Variants in FANCA observed in about 807,000 individuals in gnomAD.
The protein encoded by FANCA is Fanconi anemia group A protein.
FANCA carries 236 observed loss-of-function variants against 194.3 expected under a neutral mutation model. The observed-to-expected ratio is 1.21, with a 90% confidence interval of 1.09 to 1.35. FANCA has a LOEUF of 1.35. Ranked by LOEUF, FANCA falls within the 40% of genes most tolerant of loss-of-function variation. The pLI, the probability that FANCA is intolerant of heterozygous loss-of-function variation, is 0.00. For synonymous variants in FANCA, 1,014 were observed against 715.8 expected, an observed-to-expected ratio of 1.42 and a Z score of -6.65; for missense variants, 2,628 against 1,813.9, an observed-to-expected ratio of 1.45 and a Z score of -8.15.
intron 15 of FANCA, among the ~76,000 whole-genome samples, chr16:89,784,368 CAAA>C (rs58907559): frequency 1.3e-3 from 136 of 104,096 alleles, no homozygotes; most frequent in Middle Eastern, 0.013. Context: ...GAGACTGTCT[CAAA>C]AAAAAAAACC....
At chr16:89,774,665 G>T (rs1017588022) in intron 21 of FANCA, among the ~76,000 whole-genome samples, 1 of 140,860 alleles carries the variant, frequency 7.1e-6, no homozygotes, top group Non-Finnish European at 1.5e-5. Context: ...GGGAGGCGGA[G>T]CTTACAGCGA....
chr16:89,759,515 C>A (rs1376614795), intron 29 of FANCA, among the ~76,000 whole-genome samples: 2 of 151,872 alleles, frequency 1.3e-5, no homozygotes, highest in Non-Finnish European at 2.9e-5. Flanking sequence ...AATCCCAGCA[C>A]TGTGGGAGGC....
At chr16:89,770,937 C>G (rs2039302747) in intron 23 of FANCA, among the ~76,000 whole-genome samples, 1 of 152,114 alleles carries the variant, frequency 6.6e-6, no homozygotes, top group African/African-American at 2.4e-5. Context: ...GAAACAGCCT[C>G]TGTCGCATAT....
Position 89,778,829 on chromosome 16 carries a change from G to T in FANCA, c.1798C>A (p.Arg600Ser). ...PRVLPKVPDS[R>S]VAFIESLKRA... ...TTCAGAGACTCTATAAACGCCACAC[G>T]GGAGTCAGGGACTTTGGGGAGCTGT... The change falls in exon 20 of 43, where the codon CGT (arginine) becomes AGT (serine). Residue 600 changes from arginine (R) to serine (S), a missense_variant. Transcript: ENST00000389301. 1.2e-6 allele frequency: 2 copies of T among 1,614,042 alleles called. No individual in the cohort carries two copies. The highest frequency in any genetic ancestry group is 1.7e-6 in the Non-Finnish European group (2 of 1,180,004).
chr16:89,810,826 T>A (rs777317903), intron 4 of FANCA, 24 bp from the exon 5 acceptor site: 4 of 1,612,996 alleles, frequency 2.5e-6, no homozygotes, highest in Non-Finnish European at 3.4e-6. Flanking sequence ...TTACATTTTT[T>A]AAAAAACAAA....
chr16:89,754,594 C>T (rs947925826), intron 30 of FANCA, among the ~76,000 whole-genome samples: 2 of 152,114 alleles, frequency 1.3e-5, no homozygotes, highest in African/African-American at 2.4e-5. Flanking sequence ...TGGTCTCCAA[C>T]TCCTGACCTC....
chr16:89,807,192 T>C (rs1440915041), intron 6 of FANCA, among the ~76,000 whole-genome samples: 1 of 151,456 alleles, frequency 6.6e-6, no homozygotes, highest in African/African-American at 2.4e-5. Context: ...TTCTTTTTTT[T>C]TTTTTTTTTG....
At chr16:89,801,951 G>A (rs748468836) in intron 8 of FANCA, among the ~76,000 whole-genome samples, 4 of 151,886 alleles carry the variant, frequency 2.6e-5, no homozygotes, top group African/African-American at 4.8e-5. Flanking sequence ...TCCCATTACT[G>A]GGCTTACAGC....
chr16:89,766,086 T>C (rs2039118393), intron 27 of FANCA, among the ~76,000 whole-genome samples: 1 of 151,706 alleles, frequency 6.6e-6, no homozygotes, highest in Non-Finnish European at 1.5e-5. Context: ...AACCTTTGCC[T>C]CCCTGGTTCA....
At chr16:89,799,884 C>T (rs560942677) in intron 8 of FANCA, among the ~76,000 whole-genome samples, 31 of 152,314 alleles carry the variant, frequency 2.0e-4, no homozygotes, top group South Asian at 1.9e-3. Context: ...GTCTCAGCTA[C>T]TCGGGAGGCT....
chr16:89,776,836 ATAAAT>A (rs889706014), intron 20 of FANCA, among the ~76,000 whole-genome samples: 9 of 152,136 alleles, frequency 5.9e-5, no homozygotes, highest in African/African-American at 1.9e-4. Flanking sequence ...GACTCAAAAA[ATAAAT>A]TAAAGAAAAA....
chr16:89,774,304 C>A (rs564207197), intron 21 of FANCA, among the ~76,000 whole-genome samples: 1 of 152,080 alleles, frequency 6.6e-6, no homozygotes, highest in South Asian at 2.1e-4. Context: ...AAGCTACGAA[C>A]AAGTGGACCC....
intron 20 of FANCA, among the ~76,000 whole-genome samples, chr16:89,776,944 G>A (rs995610191): frequency 1.3e-5 from 2 of 152,176 alleles, no homozygotes. Flanking sequence ...AGGTACAGTG[G>A]CTCATATTTG....
rs1231839427 is a variant in FANCA, at chr16:89,796,086, C to A, written c.894-68G>T. 3 of 1,223,096 alleles carry A rather than the reference C, an allele frequency of 2.5e-6. No individual in the cohort carries two copies. In the African/African-American group the frequency reaches 4.5e-5, roughly 18 times the overall value. The allele number at this position is 1,223,096 out of a possible 1,614,324, so 75.8% of individuals were successfully genotyped here. Reference sequence around the variant, plus strand: ...CTTGCACGCCACCCACCAATCCCAGCACAAACTGTGGCTCAGGCTCATCCC... The same window carrying A: ...CTTGCACGCCACCCACCAATCCCAGAACAAACTGTGGCTCAGGCTCATCCC... On this transcript the variant is annotated intron_variant, in intron 10 of 42. Coordinates refer to ENST00000389301, the MANE Select transcript of FANCA (RefSeq NM_000135.4).
intron 28 of FANCA, among the ~76,000 whole-genome samples, chr16:89,764,638 C>T (rs2039062917): frequency 6.6e-6 from 1 of 152,136 alleles, no homozygotes; most frequent in Non-Finnish European, 1.5e-5. Context: ...CACATGAGGC[C>T]ACAACGATTT....
In FANCA at chr16:89,773,300, G is replaced by A. The variant is rs2039387745; in HGVS notation, c.1985C>T (p.Ala662Val). 3 of 1,551,262 alleles carry A rather than the reference G, an allele frequency of 1.9e-6. No homozygotes were observed. Among genetic ancestry groups the A allele is most frequent in the Non-Finnish European group, 2.6e-6 (3 of 1,146,858 alleles). The change falls in exon 22 of 43, where the codon GCC becomes GTC. Residue 662 changes from alanine (A) to valine (V), a missense_variant. By Grantham distance (64) the Ala-to-Val change is moderately conservative. Transcript: ENST00000389301. ...QLTAALGELR[A>V]SMTDPSQRDV... ...ACGCTGGCTGGGGTCTGTCATGGAGGCTCTCAGCTCTCCCAGTGCAGCTGT... is the reference window on the plus strand; with the variant it reads ...ACGCTGGCTGGGGTCTGTCATGGAGACTCTCAGCTCTCCCAGTGCAGCTGT...
At position 89,792,076 on chromosome 16, in the gene FANCA, A is replaced by G. The variant is rs1466884693; in HGVS notation, c.1084-8T>C. ...ACTCAGCATCACAAAGAGCTGAAATAAAAGCATCCGCTCCCTTCAATATCC... is the reference window on the plus strand; with the variant it reads ...ACTCAGCATCACAAAGAGCTGAAATGAAAGCATCCGCTCCCTTCAATATCC... On this transcript the variant is annotated splice_polypyrimidine_tract_variant and splice_region_variant and intron_variant, in intron 12 of 42. Transcript: ENST00000389301. The G allele has an allele frequency of 2.5e-6, 4 of 1,614,184 alleles. No individual in the cohort carries two copies. Among genetic ancestry groups the G allele is most frequent in the African/African-American group, 2.7e-5 (2 of 75,060 alleles).
In FANCA at chr16:89,738,619, C is replaced by G. The variant is rs749315540; in HGVS notation, c.4350G>C (p.Gln1450His). ...QQAAPDADLS[Q>H]EPHLF ...GGTCCCGTCAGAAGAGATGAGGCTC[C>G]TGGGACAGGTCAGCGTCAGGGGCAG... Residue 1450 changes from glutamine to histidine, a missense_variant, in exon 43 of 43, where the codon CAG (glutamine) becomes CAC (histidine). Coordinates refer to ENST00000389301, the MANE Select transcript of FANCA (RefSeq NM_000135.4). 2 of 1,613,622 alleles carry G rather than the reference C, an allele frequency of 1.2e-6. No homozygotes were observed. The highest frequency in any genetic ancestry group is 2.2e-5 in the South Asian group (2 of 91,060).
intron 31 of FANCA, among the ~76,000 whole-genome samples, 196 bp from the exon 32 acceptor site, chr16:89,750,098 C>G (rs1032075512): frequency 5.3e-5 from 8 of 152,182 alleles, no homozygotes; most frequent in African/African-American, 1.9e-4. Context: ...TGCTGTGGCT[C>G]ACGTCTGTAA....
Sources: allele counts gnomAD v4.1 joint callset (sites outside exome capture counted in the v4.1 genomes callset), GRCh38; gene constraint gnomAD v4.1.1; transcripts MANE v1.5; gene names NCBI Gene and HGNC (gene_info 2026-07-23, HGNC 2026-07-21).